Variants in OSBPL3 observed in about 807,000 individuals in gnomAD.
The protein encoded by OSBPL3 is oxysterol binding protein like 3, also known as oxysterol-binding protein-related protein 3.
Under a neutral mutation model 120.1 loss-of-function variants are expected in OSBPL3, and 65 were observed. That is an observed-to-expected ratio of 0.54 (90% CI 0.44 to 0.67). The LOEUF (loss-of-function observed/expected upper bound fraction) is 0.67. OSBPL3 is among the 30% of genes least tolerant of loss of function. The pLI, the probability that OSBPL3 is intolerant of heterozygous loss-of-function variation, is 0.00. For missense variants in OSBPL3, 1,004 were observed against 1,082.1 expected (o/e 0.93, Z 1.01); for synonymous variants, 416 against 402.6 (o/e 1.03, Z -0.40).
Position 24,955,335 on chromosome 7 carries a change from T to C in OSBPL3, c.-150+24551A>G, listed in dbSNP as rs1001072783. On this transcript the variant is annotated intron_variant, in intron 1 of 22. Coordinates refer to ENST00000313367, the MANE Select transcript of OSBPL3 (RefSeq NM_015550.4). The surrounding 1 kb of genome is among the most constrained non-coding windows in gnomAD (Gnocchi z 4.3). ...GGCTACCATGTCATTTAGCAATTAA[T>C]CTATTCCAACAACAAAAATATACTG... 6.6e-6 allele frequency among the ~76,000 whole-genome samples: 1 copy of C among 152,232 alleles called. No homozygotes were observed. The highest frequency in any genetic ancestry group is 1.5e-5 in the Non-Finnish European group (1 of 68,040).
intron 1 of OSBPL3, among the ~76,000 whole-genome samples, chr7:24,942,152 G>T (rs938974466): frequency 6.0e-5 from 9 of 150,424 alleles, no homozygotes; most frequent in African/African-American, 2.2e-4. Context: ...AATATCTCAA[G>T]ATGCTTTTTT....
intron 1 of OSBPL3, among the ~76,000 whole-genome samples, chr7:24,945,043 T>G (rs1562997732): frequency 6.6e-6 from 1 of 152,168 alleles, no homozygotes; most frequent in African/African-American, 2.4e-5. Flanking sequence ...CAAACCCTAC[T>G]CAAAATTTGA....
At chr7:24,811,965 G>A (rs1395710984) in intron 19 of OSBPL3, among the ~76,000 whole-genome samples, 3 of 152,174 alleles carry the variant, frequency 2.0e-5, no homozygotes, top group Non-Finnish European at 2.9e-5. Context: ...TAATATTTGT[G>A]TAAGATACAT....
rs1801198874 is a variant in OSBPL3 at position 24,865,581 on chromosome 7, G to A, written c.550-116C>T. Reference sequence around the variant, plus strand: ...CTAATGGACACCATCTGCCTATAATGAGGAAGAAGCTTCTAGCAAAGTACT... The same window carrying A: ...CTAATGGACACCATCTGCCTATAATAAGGAAGAAGCTTCTAGCAAAGTACT... On this transcript the variant is annotated intron_variant, in intron 6 of 22. Transcript: ENST00000313367. 14 of 1,017,672 alleles carry A rather than the reference G, an allele frequency of 1.4e-5. No individual in the cohort carries two copies. The South Asian group carries it at 2.1e-4, about 15-fold the overall frequency. 63.0% of individuals were successfully genotyped at this position (1,017,672 alleles called of 1,614,324 possible). A position where few individuals can be genotyped will look rare whatever the true frequency, so the allele number is the denominator to read the frequency against.
At position 24,918,913 on chromosome 7, in the gene OSBPL3, A is replaced by G. The variant is rs917143069; in HGVS notation, c.-149-26292T>C. ...GGCAACAGACATAAATTTTGTAACT[A>G]ACATTTCCCAGGTACAATGCTAGAT... On this transcript the variant is annotated intron_variant, in intron 1 of 22. Transcript: ENST00000313367. This position sits in a 1 kb window ranked among gnomAD's most constrained non-coding sequence, Gnocchi z 4.3. Among the ~76,000 whole-genome samples, 1 of 152,222 alleles carries G rather than the reference A, an allele frequency of 6.6e-6. No individual in the cohort carries two copies. The highest frequency in any genetic ancestry group is 2.4e-5 in the African/African-American group (1 of 41,462).
intron 1 of OSBPL3, among the ~76,000 whole-genome samples, chr7:24,928,847 C>T (rs758039351): frequency 1.1e-4 from 17 of 152,050 alleles, no homozygotes; most frequent in Non-Finnish European, 2.1e-4. Context: ...TATCAGTGGT[C>T]CCTTCTTTTT....
At chr7:24,950,699 G>A (rs1350893231) in intron 1 of OSBPL3, among the ~76,000 whole-genome samples, 1 of 152,202 alleles carries the variant, frequency 6.6e-6, no homozygotes, top group Non-Finnish European at 1.5e-5. Flanking sequence ...TCCAGCCTGG[G>A]CAACAGAGTG....
At chr7:24,845,656 TAAA>T (rs199729370) in intron 12 of OSBPL3, among the ~76,000 whole-genome samples, 4 of 137,242 alleles carry the variant, frequency 2.9e-5, no homozygotes, top group Non-Finnish European at 4.7e-5. Flanking sequence ...CACTTTTTCC[TAAA>T]AAAAAAAAAA....
Position 24,964,793 on chromosome 7 carries a change from T to G in OSBPL3, c.-150+15093A>C, listed in dbSNP as rs914430967. ...GAAAACCACTTGGGGCATATGGGAA[T>G]TTTTTGTACTATCTTCACATCTTTT... On this transcript the variant is annotated intron_variant, in intron 1 of 22. Coordinates refer to ENST00000313367, the MANE Select transcript of OSBPL3 (RefSeq NM_015550.4). The surrounding 1 kb of genome is among the most constrained non-coding windows in gnomAD (Gnocchi z 4.2). Among the ~76,000 whole-genome samples, 8 of 152,226 alleles carry G rather than the reference T, an allele frequency of 5.3e-5. No individual in the cohort carries two copies. Among genetic ancestry groups the G allele is most frequent in the African/African-American group, 1.9e-4 (8 of 41,464 alleles).
At chr7:24,906,872 T>C (rs970308870) in intron 1 of OSBPL3, among the ~76,000 whole-genome samples, 8 of 152,144 alleles carry the variant, frequency 5.3e-5, no homozygotes, top group Non-Finnish European at 1.0e-4. Context: ...TAGTAAAGCC[T>C]CTACACTGCT....
At chr7:24,924,135 T>G (rs1241317409) in intron 1 of OSBPL3, among the ~76,000 whole-genome samples, 5 of 152,106 alleles carry the variant, frequency 3.3e-5, no homozygotes, top group Non-Finnish European at 7.4e-5. Context: ...TTAAGCAAAT[T>G]AAGACCAAAA....
In OSBPL3 at chr7:24,877,472, C is replaced by T. The variant is rs969646910; in HGVS notation, c.97-5403G>A. ...TAAATTCTCATTTAGGCCCAAACCT[C>T]CTCCCTGGATGACAGTCACCTTGCA... On this transcript the variant is annotated intron_variant, in intron 2 of 22. Coordinates refer to ENST00000313367, the MANE Select transcript of OSBPL3 (RefSeq NM_015550.4). This position sits in a 1 kb window ranked among gnomAD's most constrained non-coding sequence, Gnocchi z 4.8. Among the ~76,000 whole-genome samples the T allele has an allele frequency of 6.6e-6, 1 of 152,170 alleles. No individual in the cohort carries two copies. The highest frequency in any genetic ancestry group is 1.5e-5 in the Non-Finnish European group (1 of 68,022).
At chr7:24,838,786 G>C (rs930232984) in intron 14 of OSBPL3, among the ~76,000 whole-genome samples, 3 of 152,226 alleles carry the variant, frequency 2.0e-5, no homozygotes, top group African/African-American at 4.8e-5. Flanking sequence ...TGTTTGCCAA[G>C]GGAGTGATGT....
intron 20 of OSBPL3, 122 bp downstream of exon 20, chr7:24,809,685 A>G (rs1793522050): frequency 5.9e-6 from 5 of 847,764 alleles, no homozygotes; most frequent in Admixed American, 2.5e-5. Flanking sequence ...CCTCTAACCT[A>G]GTTCAAAGCA....
chr7:24,822,930 T>A lies in OSBPL3; in HGVS notation c.1885-2692A>T, dbSNP rs565445700. Among the ~76,000 whole-genome samples, 1 of 152,356 alleles carries A rather than the reference T, an allele frequency of 6.6e-6. No individual in the cohort carries two copies. The highest frequency in any genetic ancestry group is 1.9e-4 in the East Asian group (1 of 5,192). On this transcript the variant is annotated intron_variant, in intron 16 of 22. Coordinates refer to ENST00000313367, the MANE Select transcript of OSBPL3 (RefSeq NM_015550.4). This position sits in a 1 kb window ranked among gnomAD's most constrained non-coding sequence, Gnocchi z 5.8. ...AACCTTCAAATATCAGTAACTTTGC[T>A]TATTTCTTTATGGCTTACACAGGCC...
intron 1 of OSBPL3, among the ~76,000 whole-genome samples, chr7:24,910,539 T>C (rs1389370993): frequency 1.3e-5 from 2 of 152,222 alleles, no homozygotes; most frequent in African/African-American, 4.8e-5. Flanking sequence ...ATTCAGTATA[T>C]ATCCTATAAA....
In OSBPL3 at chr7:24,940,130, G is replaced by A. The variant is rs1812908330; in HGVS notation, c.-150+39756C>T. On this transcript the variant is annotated intron_variant, in intron 1 of 22. Transcript: ENST00000313367. This position sits in a 1 kb window ranked among gnomAD's most constrained non-coding sequence, Gnocchi z 4.4. ...TGTGAAAGAAAGTTATATTCTTGAA[G>A]AGCATAATAAAGGTTTGAAATAGCT... Among the ~76,000 whole-genome samples, 1 of 152,148 alleles carries A rather than the reference G, an allele frequency of 6.6e-6. No homozygotes were observed. The highest frequency in any genetic ancestry group is 2.1e-4 in the South Asian group (1 of 4,824).
intron 20 of OSBPL3, among the ~76,000 whole-genome samples, chr7:24,807,730 T>C (rs1793243490): frequency 6.6e-6 from 1 of 152,112 alleles, no homozygotes; most frequent in Non-Finnish European, 1.5e-5. Flanking sequence ...CTCCTCAATC[T>C]TACATCTTTA....
chr7:24,853,078 T>C (rs1185163576), intron 10 of OSBPL3, among the ~76,000 whole-genome samples: 1 of 152,256 alleles, frequency 6.6e-6, no homozygotes, highest in Admixed American at 6.5e-5. Flanking sequence ...CATGACTTTA[T>C]GACTTATCAT....
Sources: gnomAD v4.1 joint callset for allele counts (sites outside exome capture counted in the v4.1 genomes callset) on GRCh38, gnomAD v4.1.1 for gene constraint, Gnocchi (gnomAD v3.1) non-coding constraint, MANE v1.5 for transcripts, NCBI Gene and HGNC (gene_info 2026-07-23, HGNC 2026-07-21) for gene names.